Variants in ELAVL2 observed in about 807,000 individuals in gnomAD.
ELAVL2 encodes ELAV-like protein 2.
In ELAVL2, 4 loss-of-function variants were observed where a neutral mutation model predicts 34.6. The ratio of observed to expected loss-of-function variants is 0.12; its 90% CI spans 0.06 to 0.26. The LOEUF is 0.26. Among genes scored for constraint, ELAVL2 ranks in the 10% least tolerant of loss-of-function variants. The pLI is 1.00. For synonymous variants in ELAVL2, 193 were observed against 154.8 expected (o/e 1.25, Z -1.83); for missense variants, 432 against 442.8 (o/e 0.98, Z 0.22).
At chr9:23,726,324 T>C (rs540345846) in intron 3 of ELAVL2, among the ~76,000 whole-genome samples, 142 of 152,266 alleles carry the variant, frequency 9.3e-4, no homozygotes, top group African/African-American at 3.1e-3. Context: ...AATTTCATGA[T>C]TGTATACCAA....
chr9:23,796,088 G>C (rs571939271), intron 1 of ELAVL2, among the ~76,000 whole-genome samples: 1 of 152,164 alleles, frequency 6.6e-6, no homozygotes, highest in African/African-American at 2.4e-5. Flanking sequence ...AATTTGAACA[G>C]TAATATACTT....
Position 23,756,002 on chromosome 9 carries a change from G to A in ELAVL2, c.229+6004C>T, listed in dbSNP as rs528881667. Among the ~76,000 whole-genome samples, 5 of 152,210 alleles carry A rather than the reference G, an allele frequency of 3.3e-5. No homozygotes were observed. In the East Asian group the frequency reaches 9.7e-4, roughly 29 times the overall value. ...TGTGATTGACTCATAGGAAATAAGT[G>A]CTATTAAATTTGAAGGTTCCCATTA... On this transcript the variant is annotated intron_variant, in intron 2 of 6. Coordinates refer to ENST00000397312, the MANE Select transcript of ELAVL2 (RefSeq NM_004432.5).
chr9:23,777,558 C>CA (rs2058414059), intron 1 of ELAVL2, among the ~76,000 whole-genome samples: 1 of 152,132 alleles, frequency 6.6e-6, no homozygotes. Flanking sequence ...CTGGAGACTG[C>CA]AGGCCTTGGA....
At chr9:23,797,969 G>C (rs72693564) in intron 1 of ELAVL2, among the ~76,000 whole-genome samples, 21,647 of 152,204 alleles carry the variant, frequency 0.14, 1,992 homozygotes, top group East Asian at 0.29. Flanking sequence ...AAAAGTATGG[G>C]ATAAGAATTC....
chr9:23,719,245 T>C (rs948085409), intron 3 of ELAVL2, among the ~76,000 whole-genome samples: 1 of 152,222 alleles, frequency 6.6e-6, no homozygotes, highest in Non-Finnish European at 1.5e-5. Flanking sequence ...TCTTGCTGAC[T>C]GATAGCATCA....
At chr9:23,833,033 CATATCTA>C in the ELAVL2 span, among the ~76,000 whole-genome samples, 32 of 151,986 alleles carry the variant, frequency 2.1e-4, no homozygotes, top group Non-Finnish European at 3.4e-4. Context: ...AAAAATCCTT[CATATCTA>C]ACAAAAAAAG....
In ELAVL2 at chr9:23,757,028, C is replaced by T. The variant is rs541192679; in HGVS notation, c.229+4978G>A. Among the ~76,000 whole-genome samples, 228 of 152,240 alleles carry T rather than the reference C, an allele frequency of 1.5e-3. 1 individual carries two copies. The highest frequency in any genetic ancestry group is 5.3e-3 in the African/African-American group (222 of 41,554). The stretch of plus-strand genomic sequence containing the variant: ...TTGGGCTTCAAGATCACCTGGGAAG[C>T]TCTCTGACAACAGATTCCAAAACTC... On this transcript the variant is annotated intron_variant, in intron 2 of 6. Transcript: ENST00000397312.
chr9:23,762,208 T>C lies in ELAVL2; in HGVS notation c.27A>G (p.Pro9=). Residue 9 remains proline (P), a synonymous_variant, in exon 2 of 7, where the codon CCA becomes CCG. Coordinates refer to ENST00000397312, the MANE Select transcript of ELAVL2 (RefSeq NM_004432.5). METQLSNG[P]TCNNTANGPT... is the part of the protein sequence containing the mutation. ...GACCATTGGCTGTGTTATTGCAAGT[T>C]GGCCCATTAGACAGTTGTGTTTCCA... 6.2e-7 allele frequency: 1 copy of C among 1,613,588 alleles called. No individual in the cohort carries two copies. Among genetic ancestry groups the C allele is most frequent in the Non-Finnish European group, 8.5e-7 (1 of 1,179,624 alleles).
At chr9:23,783,312 T>C (rs992921248) in intron 1 of ELAVL2, among the ~76,000 whole-genome samples, 1 of 152,104 alleles carries the variant, frequency 6.6e-6, no homozygotes, top group African/African-American at 2.4e-5. Flanking sequence ...GTGCCAAGAC[T>C]GGAAGACAGC....
intron 3 of ELAVL2, among the ~76,000 whole-genome samples, chr9:23,707,929 A>G (rs944324840): frequency 7.2e-5 from 11 of 152,196 alleles, no homozygotes; most frequent in Admixed American, 2.0e-4. Context: ...GCTTTGTGCA[A>G]TTCAGATGAG....
chr9:23,730,831 C>T (rs1437533655), intron 3 of ELAVL2, among the ~76,000 whole-genome samples, 191 bp downstream of exon 3: 3 of 152,110 alleles, frequency 2.0e-5, no homozygotes. Flanking sequence ...TTTGCGAATA[C>T]ATGAATGATT....
intron 1 of ELAVL2, chr9:23,765,048 C>G: frequency 6.2e-7 from 1 of 1,609,558 alleles, no homozygotes; most frequent in Non-Finnish European, 8.5e-7. Flanking sequence ...CACTTCTAAG[C>G]AGAGAAGCCA....
At chr9:23,811,756 G>T (rs2063036853) in intron 1 of ELAVL2, among the ~76,000 whole-genome samples, 1 of 152,058 alleles carries the variant, frequency 6.6e-6, no homozygotes, top group Non-Finnish European at 1.5e-5. Flanking sequence ...TACTCTTCTG[G>T]GACAACAGTG....
At chr9:23,746,766 G>A (rs1267957330) in intron 2 of ELAVL2, among the ~76,000 whole-genome samples, 1 of 144,868 alleles carries the variant, frequency 6.9e-6, no homozygotes, top group Non-Finnish European at 1.5e-5. Context: ...ACTGAGACAA[G>A]TTTGTCTTGG....
chr9:23,706,790 CCAAA>C (rs1421411252), intron 3 of ELAVL2, among the ~76,000 whole-genome samples: 2 of 152,172 alleles, frequency 1.3e-5, no homozygotes, highest in African/African-American at 2.4e-5. Context: ...GTATGAAGCA[CCAAA>C]CATTTTCCCC....
chr9:23,810,620 G>T (rs2062848651), intron 1 of ELAVL2, among the ~76,000 whole-genome samples: 1 of 152,090 alleles, frequency 6.6e-6, no homozygotes, highest in Non-Finnish European at 1.5e-5. Flanking sequence ...ACTACAGCCA[G>T]CAGAACTACC....
At chr9:23,746,915 G>A (rs931509188) in intron 2 of ELAVL2, among the ~76,000 whole-genome samples, 1 of 151,578 alleles carries the variant, frequency 6.6e-6, no homozygotes, top group African/African-American at 2.4e-5. Flanking sequence ...ATCATTAGTG[G>A]ACCAGACTAT....
At chr9:23,810,586 T>G (rs2383293) in intron 1 of ELAVL2, among the ~76,000 whole-genome samples, 4,041 of 152,144 alleles carry the variant, frequency 0.027, 147 homozygotes, top group East Asian at 0.094. Context: ...AGTTGCTTCT[T>G]GGATCTGATT....
At chr9:23,795,477 A>G (rs1054413672) in intron 1 of ELAVL2, among the ~76,000 whole-genome samples, 2 of 152,206 alleles carry the variant, frequency 1.3e-5, no homozygotes, top group African/African-American at 4.8e-5. Context: ...TGGGAGGCGG[A>G]GGCTGCAGTG....
Sources: gnomAD v4.1 joint callset for allele counts (sites outside exome capture counted in the v4.1 genomes callset) on GRCh38, gnomAD v4.1.1 for gene constraint, MANE v1.5 for transcripts, NCBI Gene and HGNC (gene_info 2026-07-23, HGNC 2026-07-21) for gene names.